CTDP1: variants seen among roughly 807,000 people sequenced by gnomAD.
The protein encoded by CTDP1 is CTD phosphatase 1.
In CTDP1, 47 loss-of-function variants were observed where a neutral mutation model predicts 91.8. The ratio of observed to expected loss-of-function variants is 0.51; its 90% confidence interval spans 0.41 to 0.65. The LOEUF is 0.65. Among genes scored for constraint, CTDP1 ranks in the 30% least tolerant of loss-of-function variants. The pLI is 0.00. For missense variants in CTDP1, 1,272 were observed against 1,373.7 expected (o/e 0.93, Z 1.17); for synonymous variants, 656 against 598.5 (o/e 1.10, Z -1.40).
chr18:79,698,046 G>T (rs994617156), intron 4 of CTDP1, 58 bp downstream of exon 4: 6 of 1,604,414 alleles, frequency 3.7e-6, no homozygotes, highest in Admixed American at 1.7e-5. Context: ...CTAGAATTTT[G>T]ATTCAGAAGT....
At position 79,713,173 on chromosome 18, in the gene CTDP1, T is replaced by G; in HGVS notation, c.1030+35T>G. The G allele has an allele frequency of 6.3e-7, 1 of 1,599,198 alleles. No homozygotes were observed. Among genetic ancestry groups the G allele is most frequent in the East Asian group, 2.2e-5 (1 of 44,614 alleles). ...CTCCTTCCTGATTCTCTAGAAGAATTCACATTTGCTTATTGTTTAGCTCTT... is the reference window on the plus strand; with the variant it reads ...CTCCTTCCTGATTCTCTAGAAGAATGCACATTTGCTTATTGTTTAGCTCTT... On this transcript the variant is annotated intron_variant, in intron 7 of 12. Transcript: ENST00000613122. The surrounding 1 kb of genome is among the most constrained non-coding windows in gnomAD (Gnocchi z 4.7).
At chr18:79,679,491 C>T (rs936285925), upstream of CTDP1, 7 of 456,946 alleles carry the variant, frequency 1.5e-5, no homozygotes, top group Non-Finnish European at 3.1e-5. Flanking sequence ...TAATGGCACG[C>T]AGGCCTGCGT....
At chr18:79,745,311 C>G (rs1172507611) in intron 12 of CTDP1, among the ~76,000 whole-genome samples, 5 of 119,908 alleles carry the variant, frequency 4.2e-5, no homozygotes, top group South Asian at 3.0e-4. Context: ...CGTGCGCGTT[C>G]TGTCCCTGCG....
At chr18:79,679,645 A>C, upstream of CTDP1, 1 of 494,442 alleles carries the variant, frequency 2.0e-6, no homozygotes, top group Non-Finnish European at 4.0e-6. Context: ...CGGCGCTCCG[A>C]GGAAAAGTAG....
At chr18:79,696,182 C>A in intron 3 of CTDP1, 112 bp downstream of exon 3, 1 of 865,362 alleles carries the variant, frequency 1.2e-6, no homozygotes, top group South Asian at 1.4e-5. Flanking sequence ...ATCGTCGTTA[C>A]TGAAACAACC....
At position 79,717,966 on chromosome 18, in the gene CTDP1, CCCAGCACCCT is replaced by C; in HGVS notation, c.2373_2382del (p.Ser793TyrfsTer59). On this transcript the variant is annotated frameshift_variant, in exon 10 of 13. Transcript: ENST00000613122. LOFTEE classifies it high-confidence loss of function. ...TCATCAGGACGGGCGCCCGGGGGCC[CCCAGCACCCT>C]CCAGCTCCCTACCCATCCGCCAGGA... is the stretch of plus-strand genomic sequence containing the variant. The C allele has an allele frequency of 3.1e-6, 5 of 1,613,540 alleles. No individual in the cohort carries two copies. The highest frequency in any genetic ancestry group is 4.2e-6 in the Non-Finnish European group (5 of 1,179,982).
Position 79,726,708 on chromosome 18 carries a change from G to T in CTDP1, c.2418-2199G>T, listed in dbSNP as rs12956908. On this transcript the variant is annotated intron_variant, in intron 10 of 12. Coordinates refer to ENST00000613122, the MANE Select transcript of CTDP1 (RefSeq NM_004715.5). ...CACACGGCCTCTTTTTGATGCCTGAGAGTGGGGGATGGAGGTGACGAGGCC... is the reference window on the plus strand; with the variant it reads ...CACACGGCCTCTTTTTGATGCCTGATAGTGGGGGATGGAGGTGACGAGGCC... 2.6e-5 allele frequency among the ~76,000 whole-genome samples: 4 copies of T among 151,542 alleles called. No individual in the cohort carries two copies. In the East Asian group the frequency reaches 7.8e-4, roughly 29 times the overall value.
intron 6 of CTDP1, among the ~76,000 whole-genome samples, chr18:79,710,686 A>ATTTTTTTTTTTTTT (rs11306504): frequency 4.5e-5 from 4 of 88,506 alleles, no homozygotes; most frequent in Middle Eastern, 0.011. Flanking sequence ...TCGCCCGGCA[A>ATTTTTTTTTTTTTT]TTTTTTTTTT....
At chr18:79,742,116 AGGCCTGGGGGCAGCAGAGGAGGCATGAGG>A (rs2086790541) in intron 12 of CTDP1, among the ~76,000 whole-genome samples, 1 of 139,264 alleles carries the variant, frequency 7.2e-6, no homozygotes, top group African/African-American at 2.7e-5. Flanking sequence ...CATGAGGTGG[AGGCCTGGGGGCAGCAGAGGAGGCATGAGG>A]TGGAGGCCTG....
At chr18:79,710,518 T>A in intron 6 of CTDP1, 82 bp downstream of exon 6, 1 of 1,127,400 alleles carries the variant, frequency 8.9e-7, no homozygotes, top group Non-Finnish European at 1.4e-6. Flanking sequence ...TTTAGAGCAG[T>A]ATTTCTTTTT....
At position 79,695,213 on chromosome 18, in the gene CTDP1, G is replaced by A; in HGVS notation, c.315-12G>A. 5.6e-6 allele frequency: 9 copies of A among 1,613,436 alleles called. No homozygotes were observed. Among genetic ancestry groups the A allele is most frequent in the South Asian group, 1.1e-5 (1 of 91,064 alleles). Reference sequence around the variant, plus strand: ...GATTTTAAAGTGTTGTTCCCCTTGTGTTTTTTTGTAGAGCGGTTCTGGTGA... The same window carrying A: ...GATTTTAAAGTGTTGTTCCCCTTGTATTTTTTTGTAGAGCGGTTCTGGTGA... On this transcript the variant is annotated splice_polypyrimidine_tract_variant and intron_variant, in intron 1 of 12. Coordinates refer to ENST00000613122, the MANE Select transcript of CTDP1 (RefSeq NM_004715.5).
chr18:79,701,215 G>A (rs1414199512), intron 4 of CTDP1, among the ~76,000 whole-genome samples: 1 of 152,008 alleles, frequency 6.6e-6, no homozygotes, highest in Admixed American at 6.6e-5. Context: ...TATTATTTAA[G>A]AACTACATCT....
At chr18:79,695,341 C>G in intron 2 of CTDP1, 33 bp downstream of exon 2, 1 of 1,600,548 alleles carries the variant, frequency 6.2e-7, no homozygotes, top group Non-Finnish European at 8.6e-7. Flanking sequence ...TCGCTGCCTG[C>G]TGGGGCTCGA....
intron 1 of CTDP1, among the ~76,000 whole-genome samples, chr18:79,683,530 G>A (rs1015897344): frequency 1.3e-5 from 2 of 152,228 alleles, no homozygotes; most frequent in African/African-American, 4.8e-5. Context: ...AGCACCAATG[G>A]AACCCCGTGG....
chr18:79,694,923 G>A (rs146514061), intron 1 of CTDP1, among the ~76,000 whole-genome samples: 1 of 152,292 alleles, frequency 6.6e-6, no homozygotes, highest in East Asian at 1.9e-4. Flanking sequence ...ACAACTTTAT[G>A]TTATCCCCAA....
At chr18:79,707,737 C>T (rs887588530) in intron 5 of CTDP1, among the ~76,000 whole-genome samples, 2 of 152,184 alleles carry the variant, frequency 1.3e-5, no homozygotes, top group African/African-American at 2.4e-5. Flanking sequence ...CCGAGCTTTG[C>T]TTCATTGTGG....
chr18:79,703,568 G>A (rs2085902500), intron 4 of CTDP1: 1 of 152,242 alleles, frequency 6.6e-6, no homozygotes, highest in Non-Finnish European at 1.5e-5. Flanking sequence ...AGGTTACCCG[G>A]GAATGTTGAT....
intron 1 of CTDP1, among the ~76,000 whole-genome samples, chr18:79,682,175 T>C (rs1003390936): frequency 6.6e-6 from 1 of 152,116 alleles, no homozygotes; most frequent in African/African-American, 2.4e-5. Context: ...GACGGTCGGC[T>C]CCGTGTGGTC....
chr18:79,718,613 G>C (rs1487204480), intron 10 of CTDP1, among the ~76,000 whole-genome samples: 1 of 152,178 alleles, frequency 6.6e-6, no homozygotes, highest in South Asian at 2.1e-4. Flanking sequence ...CTCTGTGCCT[G>C]TTTGCCCGCG....
Sources: allele counts gnomAD v4.1 joint callset (sites outside exome capture counted in the v4.1 genomes callset), GRCh38; gene constraint gnomAD v4.1.1; non-coding constraint Gnocchi (gnomAD v3.1); transcripts MANE v1.5; gene names NCBI Gene and HGNC (gene_info 2026-07-23, HGNC 2026-07-21).